The following MAGI3 variants were observed in gnomAD, a reference collection of about 807,000 sequenced individuals.
The protein encoded by MAGI3 is membrane associated guanylate kinase, WW and PDZ domain containing 3.
A neutral mutation model predicts 121.8 loss-of-function variants in MAGI3; 43 were observed. The observed-to-expected ratio is 0.35, with a 90% CI of 0.28 to 0.46. The LOEUF is 0.46. Among genes scored for constraint, MAGI3 ranks in the 20% least tolerant of loss-of-function variants. The pLI is 1.00. For synonymous variants in MAGI3, 553 were observed against 639.3 expected (o/e 0.86, Z 2.04); for missense variants, 1,547 against 1,797.3 (o/e 0.86, Z 2.52).
At chr1:113,429,052 A>G (rs1653164457) in intron 1 of MAGI3, among the ~76,000 whole-genome samples, 1 of 152,214 alleles carries the variant, frequency 6.6e-6, no homozygotes, top group Non-Finnish European at 1.5e-5. Flanking sequence ...TTTACTGTAG[A>G]ACATACTTTT....
At chr1:113,459,872 A>G (rs964844709) in intron 1 of MAGI3, among the ~76,000 whole-genome samples, 11 of 152,156 alleles carry the variant, frequency 7.2e-5, no homozygotes, top group African/African-American at 2.7e-4. Context: ...TCCTACAGAA[A>G]CTATTCCAAA....
At chr1:113,653,354 A>G (rs1431652723) in intron 14 of MAGI3, among the ~76,000 whole-genome samples, 1 of 152,204 alleles carries the variant, frequency 6.6e-6, no homozygotes, top group East Asian at 1.9e-4. Flanking sequence ...AAATGAGATC[A>G]TGAGGTCAGG....
intron 1 of MAGI3, among the ~76,000 whole-genome samples, chr1:113,395,094 T>TTTG (rs1651031155): frequency 9.3e-6 from 1 of 106,956 alleles, no homozygotes; most frequent in Non-Finnish European, 2.1e-5. Flanking sequence ...TTAGTTTTTT[T>TTTG]TTTTTTTTTT....
At chr1:113,638,902 G>A (rs112779704) in intron 9 of MAGI3, among the ~76,000 whole-genome samples, 11 of 151,510 alleles carry the variant, frequency 7.3e-5, no homozygotes, top group African/African-American at 1.7e-4. Context: ...CGAGCTTCCC[G>A]GCTGCTTTGT....
At chr1:113,625,497 T>G (rs1651186649) in intron 9 of MAGI3, among the ~76,000 whole-genome samples, 1 of 152,182 alleles carries the variant, frequency 6.6e-6, no homozygotes, top group Non-Finnish European at 1.5e-5. Context: ...CTTTTTCAGA[T>G]TGTTCACTGG....
intron 1 of MAGI3, among the ~76,000 whole-genome samples, chr1:113,524,525 T>C (rs1233062758): frequency 6.6e-6 from 1 of 152,100 alleles, no homozygotes; most frequent in Non-Finnish European, 1.5e-5. Context: ...ATTTTGGAGC[T>C]TTAAGATTTG....
intron 7 of MAGI3, 21 bp from the exon 8 acceptor site, chr1:113,619,715 A>G (rs1557856321): frequency 1.3e-6 from 2 of 1,489,234 alleles, no homozygotes; most frequent in Non-Finnish European, 1.9e-6. Context: ...ACTGAAATGT[A>G]TATTTTTCTG....
chr1:113,529,138 T>C (rs933692109), intron 1 of MAGI3, among the ~76,000 whole-genome samples: 4 of 152,238 alleles, frequency 2.6e-5, no homozygotes, highest in African/African-American at 9.6e-5. Context: ...CCTCTACCTC[T>C]GTCCTTTTAC....
intron 15 of MAGI3, 48 bp from the exon 16 acceptor site, chr1:113,659,032 A>G (rs1557878683): frequency 7.1e-7 from 1 of 1,412,006 alleles, no homozygotes; most frequent in Non-Finnish European, 9.7e-7. Flanking sequence ...ATCTAACACT[A>G]GCAGAAATCT....
At chr1:113,597,513 A>G (rs541133357) in intron 6 of MAGI3, among the ~76,000 whole-genome samples, 1 of 152,350 alleles carries the variant, frequency 6.6e-6, no homozygotes, top group East Asian at 1.9e-4. Context: ...GGACTTATGC[A>G]CTTCACAAAA....
At position 113,518,086 on chromosome 1, in the gene MAGI3, G is replaced by A. The variant is rs137942247; in HGVS notation, c.317-31429G>A. ...TTGAGCCCCTGAATCTATTTTACTGGTTTCTGTGGTAATACAAATAACACA... is the reference window on the plus strand; with the variant it reads ...TTGAGCCCCTGAATCTATTTTACTGATTTCTGTGGTAATACAAATAACACA... On this transcript the variant is annotated intron_variant, in intron 1 of 20. Coordinates refer to ENST00000307546, the MANE Select transcript of MAGI3 (RefSeq NM_001142782.2). 2.2e-3 allele frequency among the ~76,000 whole-genome samples: 338 copies of A among 151,922 alleles called. 1 individual carries two copies. The highest frequency in any genetic ancestry group is 4.9e-3 in the Admixed American group (74 of 15,240).
intron 1 of MAGI3, among the ~76,000 whole-genome samples, chr1:113,453,964 A>G (rs558799823): frequency 7.9e-5 from 12 of 152,348 alleles, no homozygotes; most frequent in African/African-American, 2.2e-4. Flanking sequence ...TAGATAAGAA[A>G]TGGTGCATAG....
chr1:113,495,633 T>C (rs1018345614), intron 1 of MAGI3, among the ~76,000 whole-genome samples: 9 of 152,174 alleles, frequency 5.9e-5, no homozygotes, highest in South Asian at 2.1e-4. Context: ...AGGTAAGATA[T>C]ACATAGTAAG....
Position 113,683,246 on chromosome 1 carries a change from G to GC in MAGI3, c.3680dup (p.Ala1228SerfsTer11). On this transcript the variant is annotated frameshift_variant, in exon 21 of 21. Coordinates refer to ENST00000307546, the MANE Select transcript of MAGI3 (RefSeq NM_001142782.2). LOFTEE classifies it low-confidence loss of function (END_TRUNC). ...GAGGTAGATCGGTTAGTCCCAAAAA[G>GC]CCAGCCAGTCAACATTCAGAGGAAC... 1 of 1,613,138 alleles carries GC rather than the reference G, an allele frequency of 6.2e-7. No individual in the cohort carries two copies. The highest frequency in any genetic ancestry group is 8.5e-7 in the Non-Finnish European group (1 of 1,179,718).
chr1:113,487,100 A>G (rs926248525), intron 1 of MAGI3, among the ~76,000 whole-genome samples: 1 of 152,232 alleles, frequency 6.6e-6, no homozygotes, highest in Admixed American at 6.5e-5. Context: ...AATTTAACAG[A>G]TATTTAAACT....
At chr1:113,507,018 G>T (rs1657367064) in intron 1 of MAGI3, among the ~76,000 whole-genome samples, 1 of 152,114 alleles carries the variant, frequency 6.6e-6, no homozygotes, top group Non-Finnish European at 1.5e-5. Context: ...GTTGTCTCTT[G>T]AGGCAACCTC....
Position 113,450,564 on chromosome 1 carries a change from A to T in MAGI3, c.316+59215A>T, listed in dbSNP as rs1486231222. On this transcript the variant is annotated intron_variant, in intron 1 of 20. Coordinates refer to ENST00000307546, the MANE Select transcript of MAGI3 (RefSeq NM_001142782.2). ...GGAGGAAATTTTGGCGGTGGTAACT[A>T]TGGTGGTGGTGGGAACTATAATGAT... The T allele has an allele frequency of 3.8e-6, 4 of 1,046,940 alleles. No homozygotes were observed. The African/African-American group carries it at 6.2e-5, about 16-fold the overall frequency. 64.9% of individuals were successfully genotyped at this position (1,046,940 alleles called of 1,614,324 possible).
At chr1:113,569,542 GA>G (rs1335694391) in intron 2 of MAGI3, among the ~76,000 whole-genome samples, 3 of 152,116 alleles carry the variant, frequency 2.0e-5, no homozygotes, top group Non-Finnish European at 2.9e-5. Context: ...AGTCAACCAT[GA>G]CTCTATTTTC....
rs780771333 is a variant in MAGI3 at position 113,590,433 on chromosome 1, A to G, written c.764-51A>G. On this transcript the variant is annotated intron_variant, in intron 4 of 20. Transcript: ENST00000307546. ...AGAAAGGAAAGGTGCTGTTTGAAGA[A>G]GAATATAACTTTACCCACTTTTCAC... is the stretch of plus-strand genomic sequence containing the variant. 25 of 1,569,004 alleles carry G rather than the reference A, an allele frequency of 1.6e-5. No individual in the cohort carries two copies. In the Admixed American group the frequency reaches 4.5e-4, roughly 28 times the overall value.
Sources: gnomAD v4.1 joint callset for allele counts (sites outside exome capture counted in the v4.1 genomes callset) on GRCh38, gnomAD v4.1.1 for gene constraint, MANE v1.5 for transcripts, NCBI Gene and HGNC (gene_info 2026-07-23, HGNC 2026-07-21) for gene names.